The following AK2 variants were observed in gnomAD, a reference collection of about 807,000 sequenced individuals.
AK2 encodes the protein adenylate kinase 2.
In AK2, 15 loss-of-function variants were observed where a neutral mutation model predicts 24.6. That is an observed-to-expected ratio of 0.61 (90% CI 0.41 to 0.94). AK2 has a LOEUF of 0.94. AK2 is among the 40% of genes least tolerant of loss of function. The pLI, the probability that AK2 is intolerant of heterozygous loss-of-function variation, is 0.00. For synonymous variants in AK2, 102 were observed against 114.0 expected, an observed-to-expected ratio of 0.90 and a Z score of 0.67; for missense variants, 257 against 304.1, an observed-to-expected ratio of 0.85 and a Z score of 1.15.
At chr1:33,033,751 G>C (rs967998547) in intron 1 of AK2, among the ~76,000 whole-genome samples, 1 of 152,150 alleles carries the variant, frequency 6.6e-6, no homozygotes, top group Non-Finnish European at 1.5e-5. Context: ...GGCTGGGTAA[G>C]GGCTCATTAT....
chr1:33,026,644 T>C (rs1466427967), intron 1 of AK2, among the ~76,000 whole-genome samples: 1 of 150,008 alleles, frequency 6.7e-6, no homozygotes, highest in Non-Finnish European at 1.5e-5. Flanking sequence ...CCGTCTCTAC[T>C]AAAATATAAA....
At chr1:33,028,701 A>G (rs1640056606) in intron 1 of AK2, among the ~76,000 whole-genome samples, 1 of 152,044 alleles carries the variant, frequency 6.6e-6, no homozygotes, top group South Asian at 2.1e-4. Context: ...CAGGCTCATC[A>G]CCTCTATGAA....
chr1:33,010,950 G>C lies in AK2; in HGVS notation c.*2231C>G. The C allele has an allele frequency of 6.4e-7, 1 of 1,567,852 alleles. No individual in the cohort carries two copies. Among genetic ancestry groups the C allele is most frequent in the South Asian group, 1.2e-5 (1 of 85,748 alleles). Reference sequence around the variant, plus strand: ...AATGCATTAAACACTGGACATTTCTGTGACAGGTAAAAGCAGAACCTGCTG... The same window carrying C: ...AATGCATTAAACACTGGACATTTCTCTGACAGGTAAAAGCAGAACCTGCTG... On this transcript the variant is annotated 3_prime_UTR_variant, in exon 6 of 6. Coordinates refer to ENST00000672715, the MANE Select transcript of AK2 (RefSeq NM_001625.4).
rs1638960430 is a variant in AK2, at chr1:33,013,307, T to C, written c.594A>G (p.Ile198Met). 1 of 1,614,112 alleles carries C rather than the reference T, an allele frequency of 6.2e-7. No homozygotes were observed. Among genetic ancestry groups the C allele is most frequent in the South Asian group, 1.1e-5 (1 of 91,074 alleles). Residue 198 changes from isoleucine to methionine, a missense_variant, in exon 6 of 6, where the codon ATA becomes ATG. Physicochemically the swap from Ile to Met is conservative, Grantham distance 10. Coordinates refer to ENST00000672715, the MANE Select transcript of AK2 (RefSeq NM_001625.4). ...GGATCCCCCGTTTCCTGTAGTACTC[T>C]ATGAGTGGGGTGGTTTGAGTGTGGT... ...QAYHTQTTPL[I>M]EYYRKRGIHS...
At position 33,008,422 on chromosome 1, in the gene AK2, A is replaced by G. The variant is rs1315352432; in HGVS notation, c.*4759T>C. The G allele has an allele frequency of 1.1e-5, 5 of 453,988 alleles. No homozygotes were observed. The highest frequency in any genetic ancestry group is 2.2e-5 in the Non-Finnish European group (5 of 226,790). 28.1% of individuals were successfully genotyped at this position (453,988 alleles called of 1,614,324 possible). On this transcript the variant is annotated 3_prime_UTR_variant, in exon 6 of 6. Transcript: ENST00000672715. ...GTTCTGTCAGTGACACTTTGTGCAC[A>G]CAGGAGATCCTAAGACACATACCCT...
rs1346109447 is a variant in AK2 at position 33,021,575 on chromosome 1, A to G, written c.330+18T>C. 1 of 1,612,358 alleles carries G rather than the reference A, an allele frequency of 6.2e-7. No individual in the cohort carries two copies. The highest frequency in any genetic ancestry group is 1.7e-5 in the Admixed American group (1 of 59,998). ...ATTTGGTTTCATGCAGTAGTAATAT[A>G]AAAACTAAGCTACCCACCATTTCTG... On this transcript the variant is annotated intron_variant, in intron 3 of 5. Coordinates refer to ENST00000672715, the MANE Select transcript of AK2 (RefSeq NM_001625.4).
At chr1:33,025,054 G>A (rs1470866035) in intron 1 of AK2, among the ~76,000 whole-genome samples, 3 of 151,980 alleles carry the variant, frequency 2.0e-5, no homozygotes, top group South Asian at 4.1e-4. Flanking sequence ...GTGTGGTGGC[G>A]CTTGCCTGGA....
At chr1:33,019,400 TA>T (rs1639392591) in intron 4 of AK2, among the ~76,000 whole-genome samples, 1 of 152,172 alleles carries the variant, frequency 6.6e-6, no homozygotes, top group Non-Finnish European at 1.5e-5. Flanking sequence ...GCTTAGTGCC[TA>T]AGAGACCCCA....
rs974899262 is a variant in AK2, at chr1:33,008,540, T to G, written c.*4641A>C. ...AGCTCTTATTCAGAGCAGCCCTTCC[T>G]GTGTGCAGAGCTACGCAAGTAATTA... On this transcript the variant is annotated 3_prime_UTR_variant, in exon 6 of 6. Transcript: ENST00000672715. 1 of 453,988 alleles carries G rather than the reference T, an allele frequency of 2.2e-6. No individual in the cohort carries two copies. Among genetic ancestry groups the G allele is most frequent in the African/African-American group, 2.0e-5 (1 of 49,998 alleles). 28.1% of individuals were successfully genotyped at this position (453,988 alleles called of 1,614,324 possible). A position where few individuals can be genotyped will look rare whatever the true frequency, so the allele number is the denominator to read the frequency against.
At chr1:33,026,233 C>T (rs1240077894) in intron 1 of AK2, among the ~76,000 whole-genome samples, 1 of 152,130 alleles carries the variant, frequency 6.6e-6, no homozygotes, top group African/African-American at 2.4e-5. Context: ...GAGTCTCACT[C>T]TATCACCCAG....
chr1:33,031,799 A>C, intron 1 of AK2: 1 of 409,918 alleles, frequency 2.4e-6, no homozygotes, highest in Non-Finnish European at 5.0e-6. Context: ...TGACACATGG[A>C]AGAAATGAGG....
Position 33,024,414 on chromosome 1 carries a change from C to T in AK2, c.219+28G>A. On this transcript the variant is annotated intron_variant, in intron 2 of 5. Coordinates refer to ENST00000672715, the MANE Select transcript of AK2 (RefSeq NM_001625.4). ...TGCAGATCTAGATTCTGAGGAATATCAACACTCATTGGTACCACCAAACCT... is the reference window on the plus strand; with the variant it reads ...TGCAGATCTAGATTCTGAGGAATATTAACACTCATTGGTACCACCAAACCT... 1.2e-6 allele frequency: 2 copies of T among 1,612,922 alleles called. 1 individual carries two copies. Among genetic ancestry groups the T allele is most frequent in the South Asian group, 2.2e-5 (2 of 90,998 alleles).
Position 33,026,764 on chromosome 1 carries a change from C to A in AK2, c.94-2197G>T, listed in dbSNP as rs1027173008. Reference sequence around the variant, plus strand: ...TGGAGGTTGCAGTGAGCTGAGACTGCGCCATTGCACTCCAGCCTGGAGACA... The same window carrying A: ...TGGAGGTTGCAGTGAGCTGAGACTGAGCCATTGCACTCCAGCCTGGAGACA... On this transcript the variant is annotated intron_variant, in intron 1 of 5. Coordinates refer to ENST00000672715, the MANE Select transcript of AK2 (RefSeq NM_001625.4). 1.3e-5 allele frequency among the ~76,000 whole-genome samples: 2 copies of A among 150,966 alleles called. 1 individual carries two copies. Among genetic ancestry groups the A allele is most frequent in the South Asian group, 4.2e-4 (2 of 4,768 alleles).
At chr1:33,036,110 A>C (rs1002206081) in intron 1 of AK2, among the ~76,000 whole-genome samples, 1 of 152,106 alleles carries the variant, frequency 6.6e-6, no homozygotes, top group Non-Finnish European at 1.5e-5. Flanking sequence ...GACACTACTC[A>C]AAGGTTGCGA....
intron 2 of AK2, 125 bp from the exon 3 acceptor site, chr1:33,021,828 C>A: frequency 2.7e-6 from 2 of 734,694 alleles, no homozygotes; most frequent in African/African-American, 3.5e-5. Flanking sequence ...TTTTCTTGGA[C>A]CCAAAGAAGC....
chr1:33,020,050 C>T, intron 4 of AK2: 2 of 1,533,768 alleles, frequency 1.3e-6, no homozygotes, highest in South Asian at 1.2e-5. Context: ...CTGGAAGGCA[C>T]AAAGCAGATG....
At chr1:33,036,568 A>G (rs1374587155) in intron 1 of AK2, among the ~76,000 whole-genome samples, 168 bp downstream of exon 1, 1 of 151,952 alleles carries the variant, frequency 6.6e-6, no homozygotes, top group Admixed American at 6.6e-5. Flanking sequence ...CCGACCTCCA[A>G]TTTGGACCCT....
chr1:33,019,555 C>T (rs896251295), intron 4 of AK2: 52 of 935,810 alleles, frequency 5.6e-5, no homozygotes, highest in Non-Finnish European at 6.1e-5. Flanking sequence ...GTAACCTGGA[C>T]ATTTGAAAAG....
rs1638751622 is a variant in AK2 at position 33,010,558 on chromosome 1, T to C, written c.*2623A>G. ...TGAAAACCCGATTCCTTAGAAATAATATTGTGTCTATTTCTACCCCCACCC... is the reference window on the plus strand; with the variant it reads ...TGAAAACCCGATTCCTTAGAAATAACATTGTGTCTATTTCTACCCCCACCC... On this transcript the variant is annotated 3_prime_UTR_variant, in exon 6 of 6. Coordinates refer to ENST00000672715, the MANE Select transcript of AK2 (RefSeq NM_001625.4). 2.6e-6 allele frequency: 2 copies of C among 782,150 alleles called. No individual in the cohort carries two copies. Among genetic ancestry groups the C allele is most frequent in the Non-Finnish European group, 4.3e-6 (2 of 470,368 alleles). 48.5% of individuals were successfully genotyped at this position (782,150 alleles called of 1,614,324 possible). A position where few individuals can be genotyped will look rare whatever the true frequency, so the allele number is the denominator to read the frequency against.
Sources: gnomAD v4.1 joint callset for allele counts (sites outside exome capture counted in the v4.1 genomes callset) on GRCh38, gnomAD v4.1.1 for gene constraint, MANE v1.5 for transcripts, NCBI Gene and HGNC (gene_info 2026-07-23, HGNC 2026-07-21) for gene names.